ALG12: variants seen among roughly 807,000 people sequenced by gnomAD.
ALG12 encodes the protein ALG12 alpha-1,6-mannosyltransferase.
ALG12 carries 36 observed loss-of-function variants against 46.0 expected under a neutral mutation model. The ratio of observed to expected loss-of-function variants is 0.78; its 90% CI spans 0.60 to 1.03. The LOEUF (loss-of-function observed/expected upper bound fraction) is 1.03, where lower values mean the gene tolerates loss of function less well. ALG12 is among the 50% of genes least tolerant of loss of function. The probability of loss-of-function intolerance (pLI) is 0.00; values close to 1 mark genes in which losing one functional copy is unlikely to be tolerated. For synonymous variants in ALG12, 326 were observed against 291.6 expected (o/e 1.12, Z -1.20); for missense variants, 599 against 633.5 (o/e 0.95, Z 0.58).
Position 49,913,842 on chromosome 22 carries a change from T to A in ALG12, c.-77A>T. 3 of 1,588,972 alleles carry A rather than the reference T, an allele frequency of 1.9e-6. No homozygotes were observed. Among genetic ancestry groups the A allele is most frequent in the Non-Finnish European group, 2.6e-6 (3 of 1,165,008 alleles). ...GCCGTTAGCACTGCCACTCCACGCA[T>A]GCTGGAAAAGTGGAAACAGATTCCT... On this transcript the variant is annotated splice_region_variant and 5_prime_UTR_variant, in exon 2 of 10. The change abolishes an upstream ATG in the 5' untranslated region. Transcript: ENST00000330817.
At chr22:49,886,785 G>A in the ALG12 span, 1 of 1,612,748 alleles carries the variant, frequency 6.2e-7, no homozygotes, top group Non-Finnish European at 8.5e-7. The surrounding 1 kb of genome is among the most constrained non-coding windows in gnomAD (Gnocchi z 7.7). Context: ...CTACCTCAGA[G>A]GACGTGGCTG....
chr22:49,871,609 C>A, the ALG12 span, among the ~76,000 whole-genome samples: 1,170 of 152,262 alleles, frequency 7.7e-3, 19 homozygotes, highest in African/African-American at 0.026. Flanking sequence ...CAACAGTCAT[C>A]TGAGCCTTCA....
chr22:49,873,702 G>T, the ALG12 span, among the ~76,000 whole-genome samples: 1 of 152,040 alleles, frequency 6.6e-6, no homozygotes, highest in African/African-American at 2.4e-5. Context: ...GGTGATATGA[G>T]GTATTGGGTC....
Position 49,913,591 on chromosome 22 carries a change from A to AG in ALG12, c.162+12dup, listed in dbSNP as rs750862845. ...ACATGAGGTTTTCCCCAAAGACAGC[A>AG]GGGGCCCCTCACCTGCTCCAGGTCT... is the stretch of plus-strand genomic sequence containing the variant. On this transcript the variant is annotated intron_variant, in intron 2 of 9. Transcript: ENST00000330817. The AG allele has an allele frequency of 6.2e-7, 1 of 1,614,066 alleles. No homozygotes were observed. Among genetic ancestry groups the AG allele is most frequent in the East Asian group, 2.2e-5 (1 of 44,880 alleles).
At chr22:49,859,534 C>G in the ALG12 span, among the ~76,000 whole-genome samples, 2 of 152,134 alleles carry the variant, frequency 1.3e-5, no homozygotes, top group Non-Finnish European at 2.9e-5. Flanking sequence ...GCGTCAGCTG[C>G]TTCTCCACAG....
chr22:49,874,128 C>T, the ALG12 span, among the ~76,000 whole-genome samples: 1 of 152,196 alleles, frequency 6.6e-6, no homozygotes, highest in Non-Finnish European at 1.5e-5. Flanking sequence ...TTTTCTCTGA[C>T]AGCCGCCTCC....
At chr22:49,888,022 C>T in the ALG12 span, 1 of 167,258 alleles carries the variant, frequency 6.0e-6, no homozygotes, top group African/African-American at 2.4e-5. Flanking sequence ...AATGTGTGCA[C>T]TGACCCCCTT....
the ALG12 span, among the ~76,000 whole-genome samples, chr22:49,882,100 G>T: frequency 6.6e-6 from 1 of 152,144 alleles, no homozygotes; most frequent in Non-Finnish European, 1.5e-5. Flanking sequence ...TTCAGTTCTT[G>T]GTTCCTGCAT....
the ALG12 span, chr22:49,885,213 T>G: frequency 6.2e-7 from 1 of 1,613,626 alleles, no homozygotes; most frequent in East Asian, 2.2e-5. Flanking sequence ...GCTTCCTGGG[T>G]GCAAGTCTGG....
the ALG12 span, chr22:49,885,798 G>A: frequency 1.2e-6 from 2 of 1,603,248 alleles, no homozygotes; most frequent in Non-Finnish European, 8.5e-7. Flanking sequence ...ATGATAATGT[G>A]AAGCAGATAA....
chr22:49,900,067 G>A (rs2060497680), downstream of ALG12, among the ~76,000 whole-genome samples: 1 of 152,174 alleles, frequency 6.6e-6, no homozygotes, highest in South Asian at 2.1e-4. Context: ...GGGAGGCTGA[G>A]GTGGGAGGAA....
chr22:49,904,942 G>A (rs145195709), intron 7 of ALG12, among the ~76,000 whole-genome samples: 20 of 152,246 alleles, frequency 1.3e-4, no homozygotes, highest in African/African-American at 4.8e-4. Flanking sequence ...CTTTCACTAT[G>A]TTGGCCAGGC....
the ALG12 span, among the ~76,000 whole-genome samples, chr22:49,873,344 G>T: frequency 1.3e-5 from 2 of 152,202 alleles, no homozygotes; most frequent in African/African-American, 4.8e-5. Context: ...GAAGAGGGAG[G>T]CTGGAGGAGA....
At chr22:49,899,976 C>G (rs781284148), downstream of ALG12, among the ~76,000 whole-genome samples, 2 of 152,038 alleles carry the variant, frequency 1.3e-5, no homozygotes, top group African/African-American at 2.4e-5. Context: ...CTGGGCAACA[C>G]AGCGAGACCC....
chr22:49,873,142 G>T, the ALG12 span, among the ~76,000 whole-genome samples: 3 of 152,192 alleles, frequency 2.0e-5, no homozygotes, highest in East Asian at 1.9e-4. Flanking sequence ...TTTCCTTCAA[G>T]AACTTTCCTT....
At position 49,902,094 on chromosome 22, in the gene ALG12, CGT is replaced by C. The variant is rs1281924153; in HGVS notation, c.*1742_*1743del. The C allele has an allele frequency of 2.3e-5, 3 of 129,360 alleles. No homozygotes were observed. Among genetic ancestry groups the C allele is most frequent in the Non-Finnish European group, 4.7e-5 (3 of 63,978 alleles). The allele number at this position is 129,360 out of a possible 1,614,324, so 8.0% of individuals were successfully genotyped here. A position where few individuals can be genotyped will look rare whatever the true frequency, so the allele number is the denominator to read the frequency against. On this transcript the variant is annotated 3_prime_UTR_variant, in exon 10 of 10. Transcript: ENST00000330817. ...GTGGTGTGCATGCATGGTGTGTGCA[CGT>C]GTGCACTGTGTATGCATGGTAATGT... is the stretch of plus-strand genomic sequence containing the variant.
At chr22:49,890,470 CATT>C in the ALG12 span, among the ~76,000 whole-genome samples, 16 of 152,230 alleles carry the variant, frequency 1.1e-4, no homozygotes, top group African/African-American at 3.9e-4. Flanking sequence ...GCCTTTTTAA[CATT>C]ATTAACGGAA....
chr22:49,908,630 A>C lies in ALG12; in HGVS notation c.768+614T>G, dbSNP rs1055739450. 2.1e-5 allele frequency among the ~76,000 whole-genome samples: 3 copies of C among 145,816 alleles called. No homozygotes were observed. In the East Asian group the frequency reaches 5.9e-4, roughly 29 times the overall value. On this transcript the variant is annotated intron_variant, in intron 6 of 9. Coordinates refer to ENST00000330817, the MANE Select transcript of ALG12 (RefSeq NM_024105.4). ...TTCCATCTATGCGTGTATGTTTGAC[A>C]TAATTCCTAAGAAAGCACTTTTTAA...
the ALG12 span, chr22:49,888,273 A>G: frequency 1.2e-5 from 2 of 166,928 alleles, no homozygotes; most frequent in Non-Finnish European, 2.9e-5. Flanking sequence ...TTTTAAACCA[A>G]TTAAATATTC....
Sources: gnomAD v4.1 joint callset for allele counts (sites outside exome capture counted in the v4.1 genomes callset) on GRCh38, gnomAD v4.1.1 for gene constraint, Gnocchi (gnomAD v3.1) non-coding constraint, MANE v1.5 for transcripts, NCBI Gene and HGNC (gene_info 2026-07-23, HGNC 2026-07-21) for gene names.